The following SMOC2 variants were observed in gnomAD, a reference collection of about 807,000 sequenced individuals.
SMOC2 encodes the protein SPARC related modular calcium binding 2.
SMOC2 carries 39 observed loss-of-function variants against 61.4 expected under a neutral mutation model. That is an observed-to-expected ratio of 0.64 (90% CI 0.49 to 0.83). The LOEUF is 0.83. Ranked by LOEUF, SMOC2 falls within the 40% of genes least tolerant of loss-of-function variation. SMOC2 has a pLI of 0.00. For missense variants in SMOC2, 556 were observed against 592.9 expected (o/e 0.94, Z 0.65); for synonymous variants, 247 against 239.9 (o/e 1.03, Z -0.27).
chr6:168,543,910 A>G (rs1783933162), intron 5 of SMOC2, among the ~76,000 whole-genome samples: 1 of 152,120 alleles, frequency 6.6e-6, no homozygotes, highest in African/African-American at 2.4e-5. Context: ...TTCGGGACCA[A>G]CGGCAGATGC....
chr6:168,527,616 G>A lies in SMOC2; in HGVS notation c.364-12G>A, dbSNP rs1160256051. On this transcript the variant is annotated splice_polypyrimidine_tract_variant and intron_variant, in intron 3 of 12. Coordinates refer to ENST00000356284, the MANE Select transcript of SMOC2 (RefSeq NM_001166412.2). ...GCCCGGGAGGGCTTACCCGTCCTGT[G>A]CTCTCTCGCAGGTCCAGTGTCACAG... is the stretch of plus-strand genomic sequence containing the variant. The A allele has an allele frequency of 1.1e-5, 17 of 1,546,302 alleles. 1 individual carries two copies. In the East Asian group the frequency reaches 3.9e-4, roughly 36 times the overall value.
intron 7 of SMOC2, among the ~76,000 whole-genome samples, chr6:168,569,893 G>T (rs1257553845): frequency 1.3e-5 from 2 of 152,170 alleles, no homozygotes; most frequent in Non-Finnish European, 2.9e-5. Flanking sequence ...TTCATACATT[G>T]TGCCTTTGAG....
At chr6:168,559,210 C>T (rs1245523940) in intron 7 of SMOC2, among the ~76,000 whole-genome samples, 1 of 152,142 alleles carries the variant, frequency 6.6e-6, no homozygotes, top group Non-Finnish European at 1.5e-5. Flanking sequence ...AATCCCAGCA[C>T]TTTGGGAGGC....
intron 7 of SMOC2, among the ~76,000 whole-genome samples, chr6:168,564,900 C>T (rs2115131994): frequency 6.6e-6 from 1 of 152,320 alleles, no homozygotes; most frequent in East Asian, 1.9e-4. Flanking sequence ...AGGGGTAGGA[C>T]TTGAAGTTAA....
intron 8 of SMOC2, among the ~76,000 whole-genome samples, chr6:168,605,533 A>C (rs1226166700): frequency 6.6e-6 from 1 of 152,138 alleles, no homozygotes; most frequent in Non-Finnish European, 1.5e-5. Context: ...GGCATTTCAC[A>C]CTACTCATTA....
intron 9 of SMOC2, among the ~76,000 whole-genome samples, chr6:168,626,566 C>G (rs1235808588): frequency 6.6e-6 from 1 of 152,226 alleles, no homozygotes; most frequent in Non-Finnish European, 1.5e-5. Context: ...TCTGCTACAG[C>G]CTGTGTCTCC....
chr6:168,664,145 C>A lies in SMOC2; in HGVS notation c.1323+34C>A, dbSNP rs755017898. 15 of 1,538,494 alleles carry A rather than the reference C, an allele frequency of 9.7e-6. No individual in the cohort carries two copies. The South Asian group carries it at 1.6e-4, about 16-fold the overall frequency. Reference sequence around the variant, plus strand: ...GTTTATATTTTACTCTTAACCATTTCGTTTTTAAATTATAAACAATAAAAA... The same window carrying A: ...GTTTATATTTTACTCTTAACCATTTAGTTTTTAAATTATAAACAATAAAAA... On this transcript the variant is annotated intron_variant, in intron 12 of 12. Transcript: ENST00000356284.
chr6:168,527,886 T>C (rs1783493250), intron 4 of SMOC2, among the ~76,000 whole-genome samples, 159 bp downstream of exon 4: 1 of 152,250 alleles, frequency 6.6e-6, no homozygotes. Context: ...TGACAAAGCC[T>C]ACATTTTAGG....
rs529839370 is a variant in SMOC2 at position 168,560,118 on chromosome 6, C to A, written c.637+10915C>A. 3.6e-4 allele frequency among the ~76,000 whole-genome samples: 55 copies of A among 152,294 alleles called. 1 individual carries two copies. The highest frequency in any genetic ancestry group is 1.1e-3 in the African/African-American group (47 of 41,574). ...AGCTTTATGTTTTTAATAGAGGCAACCTTTTTCCTTAGCTCTGTTACTTTA... is the reference window on the plus strand; with the variant it reads ...AGCTTTATGTTTTTAATAGAGGCAAACTTTTTCCTTAGCTCTGTTACTTTA... On this transcript the variant is annotated intron_variant, in intron 7 of 12. Coordinates refer to ENST00000356284, the MANE Select transcript of SMOC2 (RefSeq NM_001166412.2).
intron 7 of SMOC2, among the ~76,000 whole-genome samples, chr6:168,562,481 C>G (rs368010664): frequency 1.3e-5 from 2 of 151,410 alleles, no homozygotes; most frequent in African/African-American, 4.9e-5. Flanking sequence ...CCCTGAGACA[C>G]GAGGCTCTGA....
chr6:168,472,221 G>T (rs138559339), intron 1 of SMOC2, among the ~76,000 whole-genome samples: 137 of 152,244 alleles, frequency 9.0e-4, no homozygotes, highest in African/African-American at 3.2e-3. Flanking sequence ...GTTAATTTTT[G>T]TCTGTGGTGT....
At chr6:168,565,806 A>G (rs1357753597) in intron 7 of SMOC2, among the ~76,000 whole-genome samples, 1 of 152,322 alleles carries the variant, frequency 6.6e-6, no homozygotes. Context: ...TCCCAGTGAA[A>G]AACGGCTTTA....
intron 7 of SMOC2, among the ~76,000 whole-genome samples, chr6:168,570,075 T>A (rs1784629650): frequency 1.3e-5 from 2 of 150,574 alleles, no homozygotes; most frequent in South Asian, 4.2e-4. Flanking sequence ...TGTGCGGATG[T>A]CCCGTCGTCC....
At chr6:168,636,492 C>A (rs1191750845) in intron 9 of SMOC2, among the ~76,000 whole-genome samples, 3 of 152,160 alleles carry the variant, frequency 2.0e-5, no homozygotes, top group Non-Finnish European at 4.4e-5. Flanking sequence ...TGATCACATG[C>A]TTAATAATGT....
At chr6:168,576,363 T>A (rs1333917440) in intron 7 of SMOC2, among the ~76,000 whole-genome samples, 1 of 152,110 alleles carries the variant, frequency 6.6e-6, no homozygotes, top group Non-Finnish European at 1.5e-5. Flanking sequence ...TCAGTGAACA[T>A]GTTTGCACTA....
rs185856647 is a variant in SMOC2 at position 168,451,904 on chromosome 6, C to A, written c.84+10450C>A. ...CTTGGCATCTCTCCCACCACCTACACCCTGCTGGAAACATCCAGGTGCAAT... is the reference window on the plus strand; with the variant it reads ...CTTGGCATCTCTCCCACCACCTACAACCTGCTGGAAACATCCAGGTGCAAT... On this transcript the variant is annotated intron_variant, in intron 1 of 12. Transcript: ENST00000356284. 8.8e-3 allele frequency among the ~76,000 whole-genome samples: 1,343 copies of A among 152,314 alleles called. 5 individuals are homozygous for A. Among genetic ancestry groups the A allele is most frequent in the Middle Eastern group, 0.017 (5 of 294 alleles).
intron 11 of SMOC2, among the ~76,000 whole-genome samples, chr6:168,663,360 G>C (rs973294403): frequency 1.3e-5 from 2 of 152,192 alleles, no homozygotes; most frequent in African/African-American, 4.8e-5. Context: ...ACTATTTTGA[G>C]CCAAACACGT....
chr6:168,528,592 A>AG (rs1183415724), intron 4 of SMOC2, among the ~76,000 whole-genome samples: 5 of 152,236 alleles, frequency 3.3e-5, no homozygotes, highest in African/African-American at 1.2e-4. Flanking sequence ...TTTATTATTC[A>AG]AATGTTTTTC....
At chr6:168,454,267 C>G (rs926431827) in intron 1 of SMOC2, among the ~76,000 whole-genome samples, 1 of 152,108 alleles carries the variant, frequency 6.6e-6, no homozygotes, top group Non-Finnish European at 1.5e-5. Flanking sequence ...GGCCCAAGGG[C>G]TCTGTGGCTC....
Sources: allele counts gnomAD v4.1 joint callset (sites outside exome capture counted in the v4.1 genomes callset), GRCh38; gene constraint gnomAD v4.1.1; transcripts MANE v1.5; gene names NCBI Gene and HGNC (gene_info 2026-07-23, HGNC 2026-07-21).